STAC: variants seen among roughly 807,000 people sequenced by gnomAD.
STAC encodes SH3 and cysteine rich domain, also known as SH3 and cysteine-rich domain-containing protein.
Under a neutral mutation model 48.8 loss-of-function variants are expected in STAC, and 43 were observed. That is an observed-to-expected ratio of 0.88 (90% CI 0.69 to 1.14). The LOEUF (loss-of-function observed/expected upper bound fraction) is 1.14, where lower values mean the gene tolerates loss of function less well. Among genes scored for constraint, STAC ranks in the 50% most tolerant of loss-of-function variants. The pLI is 0.00. For missense variants in STAC, 497 were observed against 504.0 expected (o/e 0.99, Z 0.13); for synonymous variants, 193 against 179.5 (o/e 1.07, Z -0.60).
At chr3:36,430,327 A>G (rs1700670212) in intron 1 of STAC, among the ~76,000 whole-genome samples, 1 of 152,200 alleles carries the variant, frequency 6.6e-6, no homozygotes, top group East Asian at 1.9e-4. Flanking sequence ...CTGCATGCAT[A>G]GAATATTGAG....
chr3:36,432,909 G>T (rs1017139120), intron 1 of STAC, among the ~76,000 whole-genome samples: 3 of 152,132 alleles, frequency 2.0e-5, no homozygotes. Flanking sequence ...AAGATAACCC[G>T]TGTAAAGTCC....
chr3:36,528,331 T>TA, intron 8 of STAC, among the ~76,000 whole-genome samples: 1 of 152,182 alleles, frequency 6.6e-6, no homozygotes, highest in South Asian at 2.1e-4. Context: ...GATCTGGGCA[T>TA]GGTGGCAGAT....
intron 5 of STAC, among the ~76,000 whole-genome samples, chr3:36,488,614 C>A (rs1697880141): frequency 1.7e-5 from 1 of 58,190 alleles, no homozygotes; most frequent in African/African-American, 9.5e-5. Context: ...CAAACCAGTC[C>A]TACAGATATT....
intron 8 of STAC, among the ~76,000 whole-genome samples, chr3:36,526,277 T>C (rs1010290789): frequency 1.3e-5 from 2 of 152,122 alleles, no homozygotes; most frequent in East Asian, 3.8e-4. Context: ...CATGCCCCTG[T>C]CATGGGACTT....
chr3:36,520,665 G>C (rs1490583756), intron 8 of STAC, among the ~76,000 whole-genome samples: 1 of 152,154 alleles, frequency 6.6e-6, no homozygotes, highest in Non-Finnish European at 1.5e-5. Context: ...ACAGTCACCA[G>C]GACATCAAAA....
chr3:36,544,566 A>G (rs1291002360), intron 10 of STAC, among the ~76,000 whole-genome samples: 3 of 152,122 alleles, frequency 2.0e-5, no homozygotes, highest in African/African-American at 7.2e-5. Context: ...TCTGAGGGCA[A>G]AAACTATGTT....
intron 6 of STAC, among the ~76,000 whole-genome samples, chr3:36,503,582 T>A (rs1055408351): frequency 6.6e-6 from 1 of 152,068 alleles, no homozygotes; most frequent in South Asian, 2.1e-4. Flanking sequence ...TACAGGCACA[T>A]GCCACCATGC....
intron 2 of STAC, among the ~76,000 whole-genome samples, chr3:36,455,666 A>G (rs75549055): frequency 2.1e-4 from 32 of 152,200 alleles, no homozygotes; most frequent in Non-Finnish European, 2.9e-4. Context: ...TTGTGCAGCC[A>G]CAGTGGATAC....
intron 1 of STAC, among the ~76,000 whole-genome samples, chr3:36,431,161 T>C (rs1700691184): frequency 6.6e-6 from 1 of 152,208 alleles, no homozygotes; most frequent in East Asian, 1.9e-4. Flanking sequence ...AGCTCTATAC[T>C]GTAAAATCCT....
chr3:36,512,234 G>A (rs1170849357), intron 8 of STAC, among the ~76,000 whole-genome samples: 1 of 152,138 alleles, frequency 6.6e-6, no homozygotes, highest in Non-Finnish European at 1.5e-5. Context: ...AGTGGGAGAG[G>A]AGGAGACGGG....
In STAC at chr3:36,474,497, G is replaced by A. The variant is rs553898376; in HGVS notation, c.389-8495G>A. On this transcript the variant is annotated intron_variant, in intron 2 of 10. Transcript: ENST00000273183. ...CAGAACAGAGTAGAGATCTCTCAGC[G>A]TGCAGATGGCTGGCAGAGGCAATGA... Among the ~76,000 whole-genome samples the A allele has an allele frequency of 1.4e-3, 208 of 152,288 alleles. 1 individual carries two copies. Among genetic ancestry groups the A allele is most frequent in the Middle Eastern group, 3.4e-3 (1 of 294 alleles).
At chr3:36,514,968 G>A (rs1698635986) in intron 8 of STAC, among the ~76,000 whole-genome samples, 2 of 151,862 alleles carry the variant, frequency 1.3e-5, no homozygotes, top group African/African-American at 4.8e-5. Context: ...AACCAGGGAG[G>A]TGGAGGTTGC....
Position 36,485,000 on chromosome 3 carries a change from C to G in STAC, c.513C>G (p.Tyr171Ter), listed in dbSNP as rs781514326. Residue 171 changes from tyrosine (Y) to a stop codon, truncating the protein, a stop_gained, in exon 4 of 11, where the codon TAC (tyrosine) becomes TAG (stop). Coordinates refer to ENST00000273183, the MANE Select transcript of STAC (RefSeq NM_003149.3). LOFTEE classifies it high-confidence loss of function. ...GKLPKGFRRY[Y>*]SSPLLIHEQF... is the part of the protein sequence containing the mutation. ...AGCCAAAGGGGTTTCGGCGTTACTA[C>G]AGCTCCCCCTTGCTCATTCATGAAC... 1 of 1,602,882 alleles carries G rather than the reference C, an allele frequency of 6.2e-7. No individual in the cohort carries two copies. The highest frequency in any genetic ancestry group is 8.5e-7 in the Non-Finnish European group (1 of 1,174,738).
chr3:36,530,899 AT>A (rs1189542168), intron 10 of STAC, among the ~76,000 whole-genome samples: 1 of 152,102 alleles, frequency 6.6e-6, no homozygotes, highest in Non-Finnish European at 1.5e-5. Flanking sequence ...CACCTGGCCA[AT>A]TTACCTTTTC....
intron 1 of STAC, among the ~76,000 whole-genome samples, chr3:36,413,995 TA>T (rs1403036347): frequency 6.6e-6 from 1 of 152,236 alleles, no homozygotes; most frequent in African/African-American, 2.4e-5. Flanking sequence ...GAATGTTGAA[TA>T]TTGGCCCCCA....
At chr3:36,492,032 ATATATATATATATATATATATAT>A (rs1438150409) in intron 5 of STAC, among the ~76,000 whole-genome samples, 7 of 10,524 alleles carry the variant, frequency 6.7e-4, no homozygotes, top group Admixed American at 1.9e-3. Flanking sequence ...AAAAAAAAAA[ATATATATATATATATATATATAT>A]ATATATATAT....
At chr3:36,480,641 C>G (rs548025577) in intron 2 of STAC, among the ~76,000 whole-genome samples, 1 of 152,306 alleles carries the variant, frequency 6.6e-6, no homozygotes, top group East Asian at 1.9e-4. Context: ...GGACCTTCTC[C>G]AACCTGGGGC....
At chr3:36,448,189 CTTT>C (rs1696571856) in intron 2 of STAC, among the ~76,000 whole-genome samples, 1 of 68,738 alleles carries the variant, frequency 1.5e-5, no homozygotes, top group Non-Finnish European at 3.6e-5. Flanking sequence ...TTTTATTTTA[CTTT>C]ATTTTACTTT....
chr3:36,387,990 A>G (rs1331915212), intron 1 of STAC, among the ~76,000 whole-genome samples: 1 of 152,106 alleles, frequency 6.6e-6, no homozygotes, highest in Non-Finnish European at 1.5e-5. Flanking sequence ...CATCCTCACC[A>G]ATACTTGTTA....
Sources: allele counts gnomAD v4.1 joint callset (sites outside exome capture counted in the v4.1 genomes callset), GRCh38; gene constraint gnomAD v4.1.1; transcripts MANE v1.5; gene names NCBI Gene and HGNC (gene_info 2026-07-23, HGNC 2026-07-21).